The following RHOG variants were observed in gnomAD, a reference collection of about 807,000 sequenced individuals.
The protein encoded by RHOG is ras homolog family member G.
Under a neutral mutation model 12.3 loss-of-function variants are expected in RHOG, and 1 was observed. The ratio of observed to expected loss-of-function variants is 0.08; its 90% CI spans 0.03 to 0.39. The LOEUF is 0.39. RHOG is among the 10% of genes least tolerant of loss of function. RHOG has a pLI of 0.99. For synonymous variants in RHOG, 129 were observed against 116.0 expected, an observed-to-expected ratio of 1.11 and a Z score of -0.72; for missense variants, 114 against 266.2, an observed-to-expected ratio of 0.43 and a Z score of 3.98.
At chr11:3,835,397 C>T (rs1426519169) in intron 1 of RHOG, among the ~76,000 whole-genome samples, 3 of 152,154 alleles carry the variant, frequency 2.0e-5, no homozygotes, top group African/African-American at 4.8e-5. Flanking sequence ...CAGCATTGAC[C>T]GTACTTTTCA....
At chr11:3,837,997 G>C (rs1162328735) in intron 1 of RHOG, 2 of 152,362 alleles carry the variant, frequency 1.3e-5, no homozygotes, top group African/African-American at 4.8e-5. Flanking sequence ...GAGGAAGCTG[G>C]ACCCTGGACA....
At chr11:3,836,300 T>A (rs2090155354) in intron 1 of RHOG, among the ~76,000 whole-genome samples, 1 of 142,930 alleles carries the variant, frequency 7.0e-6, no homozygotes, top group Non-Finnish European at 1.5e-5. Context: ...GAGGTTGCAG[T>A]GAGCAGAGAT....
rs966792743 is a variant in RHOG, at chr11:3,827,218, G to A, written c.*345C>T. ...TGGCTGAGAGCCCCTAACCTGAGGC[G>A]GCACCACAATAGGCAGCAACAACTG... On this transcript the variant is annotated 3_prime_UTR_variant, in exon 2 of 2. Coordinates refer to ENST00000351018, the MANE Select transcript of RHOG (RefSeq NM_001665.4). The surrounding 1 kb of genome is among the most constrained non-coding windows in gnomAD (Gnocchi z 7.3). 1.0e-4 allele frequency: 30 copies of A among 291,252 alleles called. No individual in the cohort carries two copies. Among genetic ancestry groups the A allele is most frequent in the Non-Finnish European group, 2.0e-4 (30 of 153,320 alleles). 18.0% of individuals were successfully genotyped at this position (291,252 alleles called of 1,614,324 possible).
At chr11:3,837,897 C>G (rs2090166527) in intron 1 of RHOG, 1 of 152,378 alleles carries the variant, frequency 6.6e-6, no homozygotes, top group Non-Finnish European at 1.5e-5. Flanking sequence ...CAATAGCCAG[C>G]CACTCTGGCC....
intron 1 of RHOG, among the ~76,000 whole-genome samples, chr11:3,836,902 CAAAAAAAAAAAA>C (rs57344316): frequency 6.8e-4 from 20 of 29,252 alleles, no homozygotes; most frequent in African/African-American, 3.4e-3. Flanking sequence ...GACTCCATCT[CAAAAAAAAAAAA>C]AAAAAAAAAA....
intron 1 of RHOG, among the ~76,000 whole-genome samples, chr11:3,829,023 G>C (rs567114108): frequency 6.6e-6 from 1 of 151,858 alleles, no homozygotes; most frequent in East Asian, 1.9e-4. Context: ...CTTTCCACCA[G>C]GAGACTGGAA....
At position 3,827,736 on chromosome 11, in the gene RHOG, C is replaced by G. The variant is rs775295784; in HGVS notation, c.403G>C (p.Ala135Pro). The change falls in exon 2 of 2, where the codon GCG (alanine) becomes CCG (proline). Residue 135 changes from alanine to proline, a missense_variant. Coordinates refer to ENST00000351018, the MANE Select transcript of RHOG (RefSeq NM_001665.4). This position sits in a 1 kb window ranked among gnomAD's most constrained non-coding sequence, Gnocchi z 7.3. Reference sequence around the variant, plus strand: ...TGGCCCTGCTGCGGTGTGATGGGCGCCTGGCCCTGCTCCTTGAGGCGCCGT... The same window carrying G: ...TGGCCCTGCTGCGGTGTGATGGGCGGCTGGCCCTGCTCCTTGAGGCGCCGT... ...TLRRLKEQGQ[A>P]PITPQQGQAL... is the part of the protein sequence containing the mutation. The G allele has an allele frequency of 6.2e-7, 1 of 1,614,068 alleles. No homozygotes were observed. Among genetic ancestry groups the G allele is most frequent in the East Asian group, 2.2e-5 (1 of 44,884 alleles).
At chr11:3,828,779 C>T (rs2090106030) in intron 1 of RHOG, among the ~76,000 whole-genome samples, 1 of 151,744 alleles carries the variant, frequency 6.6e-6, no homozygotes, top group African/African-American at 2.4e-5. Context: ...CACCACCACG[C>T]CCGGCTAATT....
intron 1 of RHOG, 35 bp from the exon 2 acceptor site, chr11:3,828,241 G>A: frequency 2.8e-6 from 3 of 1,079,630 alleles, no homozygotes; most frequent in Non-Finnish European, 4.0e-6. Context: ...TCTTGGTTAG[G>A]GAGGCCTCTG....
chr11:3,827,509 A>G lies in RHOG; in HGVS notation c.*54T>C. The G allele has an allele frequency of 2.0e-6, 3 of 1,465,094 alleles. No homozygotes were observed. Among genetic ancestry groups the G allele is most frequent in the Non-Finnish European group, 2.8e-6 (3 of 1,067,292 alleles). 90.8% of individuals were successfully genotyped at this position (1,465,094 alleles called of 1,614,324 possible). Reference sequence around the variant, plus strand: ...GCACAGCTGAGGCGGACAAGGCACCAAGGCACAACTGGTGGGGGGAGGGCA... The same window carrying G: ...GCACAGCTGAGGCGGACAAGGCACCGAGGCACAACTGGTGGGGGGAGGGCA... On this transcript the variant is annotated 3_prime_UTR_variant, in exon 2 of 2. Coordinates refer to ENST00000351018, the MANE Select transcript of RHOG (RefSeq NM_001665.4). The surrounding 1 kb of genome is among the most constrained non-coding windows in gnomAD (Gnocchi z 7.3).
At chr11:3,828,547 C>T (rs1279824377) in intron 1 of RHOG, among the ~76,000 whole-genome samples, 1 of 152,020 alleles carries the variant, frequency 6.6e-6, no homozygotes, top group Non-Finnish European at 1.5e-5. Context: ...TAATATCTAC[C>T]TCACTGGGTC....
intron 1 of RHOG, among the ~76,000 whole-genome samples, chr11:3,837,305 G>A (rs1241972904): frequency 2.0e-5 from 3 of 152,158 alleles, no homozygotes; most frequent in Admixed American, 2.0e-4. Context: ...GCTGGAGTAG[G>A]AGACAGGGTA....
intron 1 of RHOG, among the ~76,000 whole-genome samples, chr11:3,828,882 AG>A (rs2090109161): frequency 6.6e-6 from 1 of 151,868 alleles, no homozygotes; most frequent in Non-Finnish European, 1.5e-5. Flanking sequence ...GGCCTCCTAA[AG>A]TGCTGGGATT....
intron 1 of RHOG, among the ~76,000 whole-genome samples, chr11:3,831,476 C>T (rs1042102070): frequency 4.6e-5 from 7 of 152,118 alleles, no homozygotes; most frequent in African/African-American, 1.4e-4. Flanking sequence ...CAGATAGAGA[C>T]CCTCAGACAG....
rs745898430 is a variant in RHOG, at chr11:3,827,863, G to A, written c.276C>T (p.Asn92=). 2 of 1,614,220 alleles carry A rather than the reference G, an allele frequency of 1.2e-6. No homozygotes were observed. Among genetic ancestry groups the A allele is most frequent in the South Asian group, 2.2e-5 (2 of 91,088 alleles). The part of the protein sequence containing the change: ...FSIASPPSYE[N]VRHKWHPEVC... ...CCTCTGGATGCCACTTGTGCCGCACGTTCTCATAGGACGGCGGACTGGCAA... is the reference window on the plus strand; with the variant it reads ...CCTCTGGATGCCACTTGTGCCGCACATTCTCATAGGACGGCGGACTGGCAA... Residue 92 remains asparagine (N), a synonymous_variant, in exon 2 of 2, where the codon AAC becomes AAT. Transcript: ENST00000351018. This position sits in a 1 kb window ranked among gnomAD's most constrained non-coding sequence, Gnocchi z 7.3.
At chr11:3,835,903 G>A (rs1051138550) in intron 1 of RHOG, among the ~76,000 whole-genome samples, 1 of 123,188 alleles carries the variant, frequency 8.1e-6, no homozygotes, top group Admixed American at 7.8e-5. Flanking sequence ...GCTCAAAGGG[G>A]CTGCAGCTGG....
rs1017206476 is a variant in RHOG, at chr11:3,826,991, A to T, written c.*572T>A. 1 of 153,740 alleles carries T rather than the reference A, an allele frequency of 6.5e-6. No individual in the cohort carries two copies. The highest frequency in any genetic ancestry group is 1.4e-5 in the Non-Finnish European group (1 of 69,276). 9.5% of individuals were successfully genotyped at this position (153,740 alleles called of 1,614,324 possible). On this transcript the variant is annotated 3_prime_UTR_variant, in exon 2 of 2. Coordinates refer to ENST00000351018, the MANE Select transcript of RHOG (RefSeq NM_001665.4). ...AGGAGCCGGGGCCACTGGAGACAGG[A>T]GGTTTTATTGATGCTGATGGGGGTA...
intron 1 of RHOG, among the ~76,000 whole-genome samples, chr11:3,836,503 CAG>C (rs2090157471): frequency 6.6e-6 from 1 of 152,072 alleles, no homozygotes; most frequent in Non-Finnish European, 1.5e-5. Flanking sequence ...GGAAACGAGA[CAG>C]TGGTAGCTGG....
intron 1 of RHOG, among the ~76,000 whole-genome samples, chr11:3,831,968 A>C (rs922712146): frequency 6.6e-6 from 1 of 152,186 alleles, no homozygotes; most frequent in Non-Finnish European, 1.5e-5. Context: ...TCAGTAAATC[A>C]GCTCTCAAAG....
Sources: allele counts gnomAD v4.1 joint callset (sites outside exome capture counted in the v4.1 genomes callset), GRCh38; gene constraint gnomAD v4.1.1; non-coding constraint Gnocchi (gnomAD v3.1); transcripts MANE v1.5; gene names NCBI Gene and HGNC (gene_info 2026-07-23, HGNC 2026-07-21).